EXT2: variants seen among roughly 807,000 people sequenced by gnomAD.
EXT2 encodes exostosin-2.
EXT2 carries 53 observed loss-of-function variants against 81.6 expected under a neutral mutation model. The ratio of observed to expected loss-of-function variants is 0.65; its 90% CI spans 0.52 to 0.82. The LOEUF is 0.82. Among genes scored for constraint, EXT2 ranks in the 40% least tolerant of loss-of-function variants. The pLI, the probability that EXT2 is intolerant of heterozygous loss-of-function variation, is 0.00. For synonymous variants in EXT2, 320 were observed against 340.0 expected, an observed-to-expected ratio of 0.94 and a Z score of 0.65; for missense variants, 774 against 910.2, an observed-to-expected ratio of 0.85 and a Z score of 1.93.
intron 7 of EXT2, 46 bp from the exon 8 acceptor site, chr11:44,171,565 A>G: frequency 1.2e-6 from 2 of 1,613,696 alleles, no homozygotes; most frequent in South Asian, 2.2e-5. Flanking sequence ...TAGTTTTCCC[A>G]CTCTGTCTCG....
At chr11:44,149,005 T>C (rs568324755) in intron 7 of EXT2, among the ~76,000 whole-genome samples, 2 of 152,178 alleles carry the variant, frequency 1.3e-5, no homozygotes, top group African/African-American at 4.8e-5. Context: ...TTTTGTAATG[T>C]TTTCCTTCTA....
chr11:44,243,966 C>T lies in EXT2; in HGVS notation c.2019-183C>T, dbSNP rs555743737. ...CCCAGTTCACCGCTTTTTTCCACAC[C>T]TGTCAACCTTTTTAAGAACCTGGGA... On this transcript the variant is annotated intron_variant, in intron 13 of 13. Coordinates refer to ENST00000533608, the MANE Select transcript of EXT2 (RefSeq NM_207122.2). Among the ~76,000 whole-genome samples the T allele has an allele frequency of 4.6e-5, 7 of 152,302 alleles. No homozygotes were observed. In the South Asian group the frequency reaches 6.2e-4, roughly 14 times the overall value.
chr11:44,232,246 A>T (rs1380631274), intron 10 of EXT2, 107 bp from the exon 11 acceptor site: 1 of 1,425,128 alleles, frequency 7.0e-7, no homozygotes, highest in Non-Finnish European at 9.8e-7. Context: ...TTCTTAGGTT[A>T]TGATGGTTTG....
chr11:44,223,077 A>G (rs1955799488), intron 10 of EXT2, among the ~76,000 whole-genome samples: 1 of 152,268 alleles, frequency 6.6e-6, no homozygotes, highest in African/African-American at 2.4e-5. Flanking sequence ...GCAATGAGAT[A>G]TCATTACACA....
At chr11:44,139,676 C>CA (rs1183857960) in intron 7 of EXT2, among the ~76,000 whole-genome samples, 2 of 152,176 alleles carry the variant, frequency 1.3e-5, no homozygotes, top group Non-Finnish European at 2.9e-5. Context: ...TCATCTCCCA[C>CA]ATGATTTGGG....
At chr11:44,128,648 G>C (rs1024590576) in intron 6 of EXT2, among the ~76,000 whole-genome samples, 1 of 152,048 alleles carries the variant, frequency 6.6e-6, no homozygotes, top group Admixed American at 6.6e-5. Context: ...TCACAGAGGC[G>C]GTAACTCTAA....
intron 11 of EXT2, among the ~76,000 whole-genome samples, chr11:44,233,274 G>C (rs1341657289): frequency 6.6e-6 from 1 of 152,076 alleles, no homozygotes; most frequent in African/African-American, 2.4e-5. Flanking sequence ...ATATAAAACT[G>C]TTTTACCATG....
At chr11:44,141,280 A>C (rs1295309415) in intron 7 of EXT2, among the ~76,000 whole-genome samples, 1 of 152,210 alleles carries the variant, frequency 6.6e-6, no homozygotes, top group Non-Finnish European at 1.5e-5. Context: ...AAAGGAAGAA[A>C]ATTTTATGTA....
intron 1 of EXT2, among the ~76,000 whole-genome samples, chr11:44,106,307 CTCTT>C (rs1954053911): frequency 6.6e-6 from 1 of 152,078 alleles, no homozygotes; most frequent in Non-Finnish European, 1.5e-5. Context: ...TCCCTTCTCT[CTCTT>C]TCTCTTCCTT....
Position 44,250,279 on chromosome 11 carries a change from C to T in EXT2, c.*5992C>T, listed in dbSNP as rs1284880352. Among the ~76,000 whole-genome samples the T allele has an allele frequency of 6.6e-6, 1 of 152,134 alleles. No individual in the cohort carries two copies. Among genetic ancestry groups the T allele is most frequent in the African/African-American group, 2.4e-5 (1 of 41,424 alleles). On this transcript the variant is annotated 3_prime_UTR_variant, in exon 14 of 14. Coordinates refer to ENST00000533608, the MANE Select transcript of EXT2 (RefSeq NM_207122.2). ...AGCTGTAAATGAGGATTCCATTAAC[C>T]CCATCTTCTCCAATGTATGGAGGAT...
At chr11:44,215,514 G>T (rs1955707432) in intron 10 of EXT2, among the ~76,000 whole-genome samples, 1 of 152,056 alleles carries the variant, frequency 6.6e-6, no homozygotes, top group Non-Finnish European at 1.5e-5. Context: ...CCCATAAAAG[G>T]TCTATTTTGG....
At chr11:44,115,428 A>G (rs1954208645) in intron 4 of EXT2, among the ~76,000 whole-genome samples, 1 of 152,150 alleles carries the variant, frequency 6.6e-6, no homozygotes, top group African/African-American at 2.4e-5. Flanking sequence ...GGAGTAAATG[A>G]AAAGGGCTGA....
chr11:44,230,741 C>T (rs1039272262), intron 10 of EXT2, among the ~76,000 whole-genome samples: 61 of 152,308 alleles, frequency 4.0e-4, no homozygotes, highest in African/African-American at 1.3e-3. Flanking sequence ...GCCTTAATAA[C>T]GCCTTGCTTT....
intron 12 of EXT2, among the ~76,000 whole-genome samples, 186 bp downstream of exon 12, chr11:44,234,429 C>T (rs1955936929): frequency 6.6e-6 from 1 of 152,146 alleles, no homozygotes; most frequent in Admixed American, 6.5e-5. Flanking sequence ...ACAATTTAAA[C>T]ATATTTTCTT....
chr11:44,126,734 G>A (rs1954410082), intron 5 of EXT2, 82 bp from the exon 6 acceptor site: 1 of 1,583,268 alleles, frequency 6.3e-7, no homozygotes, highest in South Asian at 1.1e-5. Context: ...AACCCTTGTA[G>A]AAACTTTGTG....
chr11:44,192,284 G>T (rs546636047), intron 8 of EXT2, among the ~76,000 whole-genome samples: 1 of 151,906 alleles, frequency 6.6e-6, no homozygotes, highest in Non-Finnish European at 1.5e-5. Context: ...AGAGGTGATT[G>T]TGTAGATCTC....
At chr11:44,109,038 C>G (rs1189358157) in intron 2 of EXT2, among the ~76,000 whole-genome samples, 156 bp from the exon 3 acceptor site, 2 of 152,204 alleles carry the variant, frequency 1.3e-5, no homozygotes, top group Non-Finnish European at 2.9e-5. Context: ...AGACTTGTGT[C>G]TGATGTGCTG....
At chr11:44,172,060 G>T (rs1018803713) in intron 8 of EXT2, 2 of 419,344 alleles carry the variant, frequency 4.8e-6, no homozygotes, top group African/African-American at 2.0e-5. Flanking sequence ...AATGCTTAGA[G>T]CTTTTGAAAA....
chr11:44,213,070 A>T (rs956636119), intron 10 of EXT2, among the ~76,000 whole-genome samples: 1 of 152,202 alleles, frequency 6.6e-6, no homozygotes, highest in Non-Finnish European at 1.5e-5. Flanking sequence ...TTGAAAAAAA[A>T]ATTGTGGGAT....
Sources: allele counts gnomAD v4.1 joint callset (sites outside exome capture counted in the v4.1 genomes callset), GRCh38; gene constraint gnomAD v4.1.1; transcripts MANE v1.5; gene names NCBI Gene and HGNC (gene_info 2026-07-23, HGNC 2026-07-21).